DMBX1: variants seen among roughly 807,000 people sequenced by gnomAD.
DMBX1 encodes the protein diencephalon/mesencephalon homeobox protein 1.
A neutral mutation model predicts 30.4 loss-of-function variants in DMBX1; 7 were observed. The ratio of observed to expected loss-of-function variants is 0.23; its 90% CI spans 0.13 to 0.43. The LOEUF is 0.43. Among genes scored for constraint, DMBX1 ranks in the 20% least tolerant of loss-of-function variants. DMBX1 has a pLI of 1.00. For synonymous variants in DMBX1, 222 were observed against 214.2 expected, an observed-to-expected ratio of 1.04 and a Z score of -0.32; for missense variants, 460 against 508.5, an observed-to-expected ratio of 0.90 and a Z score of 0.92.
At chr1:46,504,619 C>G (rs1331530233) in intron 2 of DMBX1, among the ~76,000 whole-genome samples, 1 of 145,808 alleles carries the variant, frequency 6.9e-6, no homozygotes, top group Non-Finnish European at 1.5e-5. Context: ...TTACTGTAGC[C>G]TTGTAGTATA....
At position 46,512,157 on chromosome 1, in the gene DMBX1, G is replaced by A. The variant is rs1457987383; in HGVS notation, c.797G>A (p.Arg266His). 9 of 1,613,994 alleles carry A rather than the reference G, an allele frequency of 5.6e-6. No homozygotes were observed. The highest frequency in any genetic ancestry group is 1.7e-5 in the Admixed American group (1 of 60,002). ...LSLFRLQEQFRQHMAATNNLV... is the reference protein window; with the variant it reads ...LSLFRLQEQFHQHMAATNNLV... ...CTCTTCCGTCTGCAGGAGCAATTCC[G>A]CCAGCACATGGCGGCCACCAACAAC... is the stretch of plus-strand genomic sequence containing the variant. Residue 266 changes from arginine to histidine, a missense_variant, in exon 6 of 6, where the codon CGC (arginine) becomes CAC (histidine). Arg to His is a conservative substitution (Grantham distance 29). Coordinates refer to ENST00000360032, the MANE Select transcript of DMBX1 (RefSeq NM_172225.2). The surrounding 1 kb of genome is among the most constrained non-coding windows in gnomAD (Gnocchi z 4.8).
At position 46,507,019 on chromosome 1, in the gene DMBX1, C is replaced by T. The variant is rs1439391582; in HGVS notation, c.9C>T (p.His3=). 3.1e-6 allele frequency: 5 copies of T among 1,614,084 alleles called. No homozygotes were observed. The highest frequency in any genetic ancestry group is 4.2e-6 in the Non-Finnish European group (5 of 1,180,048). The change falls in exon 3 of 6, where the codon CAC becomes CAT. Residue 3 remains histidine, a synonymous_variant. Transcript: ENST00000360032. MQ[H]YGVNGYSLHA... ...TGTAGGCGGATGCCGCCATGCAGCACTACGGGGTGAACGGCTACTCACTGC... is the reference window on the plus strand; with the variant it reads ...TGTAGGCGGATGCCGCCATGCAGCATTACGGGGTGAACGGCTACTCACTGC...
At chr1:46,497,381 A>G (rs1376438838) in intron 2 of DMBX1, among the ~76,000 whole-genome samples, 3 of 152,182 alleles carry the variant, frequency 2.0e-5, no homozygotes. Context: ...GATGTGTCTC[A>G]CCATGCCTCA....
intron 3 of DMBX1, among the ~76,000 whole-genome samples, chr1:46,509,977 C>T (rs1666323632): frequency 6.6e-6 from 1 of 152,148 alleles, no homozygotes; most frequent in Non-Finnish European, 1.5e-5. Context: ...CTAGTCAGTC[C>T]TCCCTTGACT....
At position 46,512,826 on chromosome 1, in the gene DMBX1, C is replaced by T. The variant is rs1006351112; in HGVS notation, c.*332C>T. ...TCCCTTTTCTCCCTATCCTTCTGCC[C>T]CCTAGTAAGTCTACGTGTGGAATGT... is the stretch of plus-strand genomic sequence containing the variant. On this transcript the variant is annotated 3_prime_UTR_variant, in exon 6 of 6. Coordinates refer to ENST00000360032, the MANE Select transcript of DMBX1 (RefSeq NM_172225.2). This position sits in a 1 kb window ranked among gnomAD's most constrained non-coding sequence, Gnocchi z 4.8. The T allele has an allele frequency of 3.1e-6, 1 of 324,782 alleles. No homozygotes were observed. The highest frequency in any genetic ancestry group is 5.7e-6 in the Non-Finnish European group (1 of 176,892). 20.1% of individuals were successfully genotyped at this position (324,782 alleles called of 1,614,324 possible).
rs975371233 is a variant in DMBX1, at chr1:46,510,386, C to T, written c.155-90C>T. The T allele has an allele frequency of 3.4e-6, 5 of 1,470,084 alleles. No individual in the cohort carries two copies. In the South Asian group the frequency reaches 5.3e-5, roughly 16 times the overall value. 91.1% of individuals were successfully genotyped at this position (1,470,084 alleles called of 1,614,324 possible). On this transcript the variant is annotated intron_variant, in intron 3 of 5. Coordinates refer to ENST00000360032, the MANE Select transcript of DMBX1 (RefSeq NM_172225.2). This position sits in a 1 kb window ranked among gnomAD's most constrained non-coding sequence, Gnocchi z 4.1. Reference sequence around the variant, plus strand: ...GCTCTGGCAGCAGCCTGGGTGTCCACAGTGGGTCAGAGCAGGATAAGATTC... The same window carrying T: ...GCTCTGGCAGCAGCCTGGGTGTCCATAGTGGGTCAGAGCAGGATAAGATTC...
chr1:46,494,885 T>G (rs1666000240), intron 2 of DMBX1, among the ~76,000 whole-genome samples: 1 of 152,018 alleles, frequency 6.6e-6, no homozygotes, highest in African/African-American at 2.4e-5. Flanking sequence ...CAATGCAGGG[T>G]TAACGGTGGC....
At position 46,511,235 on chromosome 1, in the gene DMBX1, G is replaced by C; in HGVS notation, c.634G>C (p.Gly212Arg). 1.2e-6 allele frequency: 2 copies of C among 1,610,724 alleles called. No homozygotes were observed. The highest frequency in any genetic ancestry group is 1.7e-6 in the Non-Finnish European group (2 of 1,179,008). The change falls in exon 5 of 6, where the codon GGG becomes CGG. Residue 212 changes from glycine to arginine, a missense_variant. Physicochemically the swap from Gly to Arg is moderately radical, Grantham distance 125. Around this residue, in one of 3 missense-constraint regions of DMBX1, gnomAD observed 334 missense variants for 345.1 expected, o/e 0.97. Coordinates refer to ENST00000360032, the MANE Select transcript of DMBX1 (RefSeq NM_172225.2). Reference protein sequence around the residue: ...AEDPKAEKSPGADSKGLGCKR... With the variant: ...AEDPKAEKSPRADSKGLGCKR... ...GGACCCCAAAGCTGAGAAGAGCCCT[G>C]GGGCTGACAGCAAGGGGCTGGGCTG...
rs768840061 is a variant in DMBX1, at chr1:46,493,631, C to T, written c.-13+2848C>T. Among the ~76,000 whole-genome samples, 1 of 152,250 alleles carries T rather than the reference C, an allele frequency of 6.6e-6. No individual in the cohort carries two copies. The highest frequency in any genetic ancestry group is 1.9e-4 in the East Asian group (1 of 5,192). ...GCACATTTCCCAGATGGGGTCACTC[C>T]TTCCCTCTGGTCTACAGCCACTGTG... is the stretch of plus-strand genomic sequence containing the variant. On this transcript the variant is annotated intron_variant, in intron 2 of 5. Transcript: ENST00000360032. The surrounding 1 kb of genome is among the most constrained non-coding windows in gnomAD (Gnocchi z 4.1).
intron 3 of DMBX1, 72 bp downstream of exon 3, chr1:46,507,236 G>A (rs1271690251): frequency 1.0e-5 from 16 of 1,567,962 alleles, no homozygotes; most frequent in African/African-American, 4.0e-5. Context: ...GGAAGGCAAA[G>A]AGGAGAGGGA....
chr1:46,501,979 T>C (rs1227497577), intron 2 of DMBX1, among the ~76,000 whole-genome samples: 1 of 152,240 alleles, frequency 6.6e-6, no homozygotes, highest in Non-Finnish European at 1.5e-5. Flanking sequence ...TTGTTTATGG[T>C]ATATTCTGTT....
At chr1:46,501,209 CCTTCCTTT>C (rs1211260657) in intron 2 of DMBX1, among the ~76,000 whole-genome samples, 34 of 75,924 alleles carry the variant, frequency 4.5e-4, no homozygotes, top group East Asian at 4.5e-3. Context: ...TTCCTTCCTT[CCTTCCTTT>C]CTTTCTTTCT....
At chr1:46,501,213 CCTTTCTTTCTTT>C (rs764250449) in intron 2 of DMBX1, among the ~76,000 whole-genome samples, 5,447 of 73,880 alleles carry the variant, frequency 0.074, 190 homozygotes, top group Non-Finnish European at 0.098. Context: ...TTCCTTCCTT[CCTTTCTTTCTTT>C]CTTTCTTTCT....
Position 46,510,694 on chromosome 1 carries a change from A to T in DMBX1, c.333+40A>T. ...TCCTAACTAGGCCTTGCAGACAAAC[A>T]CCAGCCCATCAGTCTGCCCGCTTGT... On this transcript the variant is annotated intron_variant, in intron 4 of 5. Transcript: ENST00000360032. The surrounding 1 kb of genome is among the most constrained non-coding windows in gnomAD (Gnocchi z 4.1). The T allele has an allele frequency of 6.3e-7, 1 of 1,592,910 alleles. No individual in the cohort carries two copies. Among genetic ancestry groups the T allele is most frequent in the Non-Finnish European group, 8.6e-7 (1 of 1,168,408 alleles).
At chr1:46,494,287 C>T (rs1056071510) in intron 2 of DMBX1, among the ~76,000 whole-genome samples, 6 of 152,224 alleles carry the variant, frequency 3.9e-5, no homozygotes, top group African/African-American at 1.4e-4. Context: ...CTTTCCCTTT[C>T]CTGGCTGCAT....
chr1:46,510,863 C>A lies in DMBX1; in HGVS notation c.334-72C>A. The A allele has an allele frequency of 6.8e-7, 1 of 1,460,572 alleles. No individual in the cohort carries two copies. The highest frequency in any genetic ancestry group is 9.2e-7 in the Non-Finnish European group (1 of 1,090,036). The allele number at this position is 1,460,572 out of a possible 1,614,324, so 90.5% of individuals were successfully genotyped here. ...GGGATGTTATCACGTACATCCTCTC[C>A]CAGAGCACCCTGCTCCACACCAACC... On this transcript the variant is annotated intron_variant, in intron 4 of 5. Coordinates refer to ENST00000360032, the MANE Select transcript of DMBX1 (RefSeq NM_172225.2). This position sits in a 1 kb window ranked among gnomAD's most constrained non-coding sequence, Gnocchi z 4.1.
chr1:46,510,461 G>A lies in DMBX1; in HGVS notation c.155-15G>A. ...GGCCCCCTCTCCTTGCCCTCCAACG[G>A]CTGTACATTTCAAGACATCATCTTG... On this transcript the variant is annotated splice_polypyrimidine_tract_variant and intron_variant, in intron 3 of 5. Coordinates refer to ENST00000360032, the MANE Select transcript of DMBX1 (RefSeq NM_172225.2). This position sits in a 1 kb window ranked among gnomAD's most constrained non-coding sequence, Gnocchi z 4.1. 1 of 1,612,400 alleles carries A rather than the reference G, an allele frequency of 6.2e-7. No individual in the cohort carries two copies. The highest frequency in any genetic ancestry group is 8.5e-7 in the Non-Finnish European group (1 of 1,179,504).
Position 46,501,298 on chromosome 1 carries a change from T to C in DMBX1, c.-12-5701T>C, listed in dbSNP as rs528498631. On this transcript the variant is annotated intron_variant, in intron 2 of 5. Transcript: ENST00000360032. ...TTCTTTCTTTCTTTCCTTCTCTCTT[T>C]TTTTCTTTCTTTCTCTCTGTTGCCA... 2.7e-5 allele frequency among the ~76,000 whole-genome samples: 4 copies of C among 149,664 alleles called. No individual in the cohort carries two copies. The East Asian group carries it at 7.9e-4, about 30-fold the overall frequency.
Position 46,510,123 on chromosome 1 carries a change from A to G in DMBX1, c.155-353A>G, listed in dbSNP as rs966141608. 1.3e-5 allele frequency among the ~76,000 whole-genome samples: 2 copies of G among 152,204 alleles called. No individual in the cohort carries two copies. Among genetic ancestry groups the G allele is most frequent in the Non-Finnish European group, 2.9e-5 (2 of 68,040 alleles). On this transcript the variant is annotated intron_variant, in intron 3 of 5. Coordinates refer to ENST00000360032, the MANE Select transcript of DMBX1 (RefSeq NM_172225.2). The surrounding 1 kb of genome is among the most constrained non-coding windows in gnomAD (Gnocchi z 4.1). ...CTCCTGTGATATGGACTTACAGATT[A>G]TTAGCATCATGGAGTCTCAAAGTAT...
Sources: gnomAD v4.1 joint callset for allele counts (sites outside exome capture counted in the v4.1 genomes callset) on GRCh38, gnomAD v4.1.1 for gene constraint, gnomAD v4.1.1 regional missense constraint, Gnocchi (gnomAD v3.1) non-coding constraint, MANE v1.5 for transcripts, NCBI Gene and HGNC (gene_info 2026-07-23, HGNC 2026-07-21) for gene names.